The following DLC1 variants were observed in gnomAD, a reference collection of about 807,000 sequenced individuals.
The protein encoded by DLC1 is rho GTPase-activating protein 7.
In DLC1, 54 loss-of-function variants were observed where a neutral mutation model predicts 140.3. The ratio of observed to expected loss-of-function variants is 0.38; its 90% confidence interval spans 0.31 to 0.48. The LOEUF (loss-of-function observed/expected upper bound fraction) is 0.48, where lower values mean the gene tolerates loss of function less well. Ranked by LOEUF, DLC1 falls within the 20% of genes least tolerant of loss-of-function variation. The pLI, the probability that DLC1 is intolerant of heterozygous loss-of-function variation, is 0.96. For missense variants in DLC1, 2,536 were observed against 1,907.0 expected (o/e 1.33, Z -6.14); for synonymous variants, 986 against 728.1 (o/e 1.35, Z -5.70).
chr8:13,135,764 A>C (rs904234351), intron 5 of DLC1, among the ~76,000 whole-genome samples: 3 of 152,130 alleles, frequency 2.0e-5, no homozygotes, highest in African/African-American at 7.2e-5. Flanking sequence ...TCCACTTAGC[A>C]TTCATCTTTC....
chr8:13,424,884 C>T (rs1838486432), intron 2 of DLC1, among the ~76,000 whole-genome samples: 1 of 152,116 alleles, frequency 6.6e-6, no homozygotes, highest in African/African-American at 2.4e-5. Flanking sequence ...TAAAATGAAG[C>T]TACTTTGAGT....
chr8:13,574,791 T>A (rs1203538339), intron 1 of DLC1, among the ~76,000 whole-genome samples: 2 of 152,196 alleles, frequency 1.3e-5, no homozygotes, highest in East Asian at 1.9e-4. Flanking sequence ...CCTGAACATC[T>A]GAGTCATTCA....
intron 1 of DLC1, among the ~76,000 whole-genome samples, chr8:13,553,106 A>C (rs1803918784): frequency 1.3e-5 from 2 of 150,136 alleles, no homozygotes; most frequent in Admixed American, 1.3e-4. Flanking sequence ...AACACACCTA[A>C]ACCTTGACAG....
chr8:13,479,542 A>G (rs1800586799), intron 2 of DLC1, among the ~76,000 whole-genome samples: 1 of 152,194 alleles, frequency 6.6e-6, no homozygotes, highest in Non-Finnish European at 1.5e-5. Flanking sequence ...TCAGATTGAA[A>G]GATTTTAGTT....
rs201475953 is a variant in DLC1 at position 13,584,111 on chromosome 8, T to A, written c.-126+20426A>T. 4.4e-4 allele frequency: 67 copies of A among 153,290 alleles called. No individual in the cohort carries two copies. The East Asian group carries it at 0.012, about 28-fold the overall frequency. The allele number at this position is 153,290 out of a possible 1,614,324, so 9.5% of individuals were successfully genotyped here. A position where few individuals can be genotyped will look rare whatever the true frequency, so the allele number is the denominator to read the frequency against. On this transcript the variant is annotated intron_variant, in intron 1 of 1. Transcript: ENST00000631382. ...TCTTGCTTCAGCAGGTTCTTTGCTT[T>A]GTTGGTACTGTTCTATTGCATCAGC...
intron 10 of DLC1, 114 bp from the exon 11 acceptor site, chr8:13,095,359 G>T: frequency 7.6e-7 from 1 of 1,310,270 alleles, no homozygotes; most frequent in Non-Finnish European, 1.1e-6. Context: ...CTAATACGGT[G>T]GCTACTTAAA....
intron 1 of DLC1, among the ~76,000 whole-genome samples, chr8:13,576,239 G>A (rs1016521477): frequency 2.0e-5 from 3 of 152,256 alleles, no homozygotes; most frequent in Admixed American, 6.5e-5. Context: ...AATCCCAAGG[G>A]ATTCCCAGGT....
chr8:13,353,109 G>T (rs1446332489), intron 4 of DLC1, among the ~76,000 whole-genome samples: 1 of 152,062 alleles, frequency 6.6e-6, no homozygotes, highest in African/African-American at 2.4e-5. Context: ...AACCTGAAAG[G>T]TGGCTGAAAG....
chr8:13,604,085 A>G (rs1310045789), intron 1 of DLC1, among the ~76,000 whole-genome samples: 1 of 152,172 alleles, frequency 6.6e-6, no homozygotes. Flanking sequence ...GTGCAATGAT[A>G]ATGTTATGAT....
At chr8:13,504,480 C>T (rs1191522264) in intron 1 of DLC1, among the ~76,000 whole-genome samples, 5 of 152,072 alleles carry the variant, frequency 3.3e-5, no homozygotes, top group Admixed American at 2.0e-4. Flanking sequence ...AGCATGTGTT[C>T]CAGAACAAAT....
At chr8:13,590,304 GT>G (rs202054765) in intron 1 of DLC1, among the ~76,000 whole-genome samples, 19 of 150,616 alleles carry the variant, frequency 1.3e-4, no homozygotes, top group African/African-American at 3.4e-4. Flanking sequence ...CACATCCCCA[GT>G]TTTTTTTTGC....
At chr8:13,568,109 G>C (rs1585284058) in intron 1 of DLC1, 2 of 793,924 alleles carry the variant, frequency 2.5e-6, no homozygotes, top group South Asian at 2.4e-5. Context: ...GTTGTAGTTG[G>C]AATAGTTATA....
At chr8:13,167,417 T>A (rs2116907489) in intron 5 of DLC1, among the ~76,000 whole-genome samples, 1 of 152,278 alleles carries the variant, frequency 6.6e-6, no homozygotes, top group East Asian at 1.9e-4. Flanking sequence ...GGACCATGCC[T>A]CCTTTTGGAT....
chr8:13,412,854 C>T (rs1207689877), intron 2 of DLC1, among the ~76,000 whole-genome samples: 2 of 149,494 alleles, frequency 1.3e-5, no homozygotes, highest in Admixed American at 6.8e-5. Flanking sequence ...ATGGCGTGAA[C>T]CCAGGAGGCG....
At chr8:13,107,390 G>A (rs897709139) in intron 7 of DLC1, among the ~76,000 whole-genome samples, 1 of 152,164 alleles carries the variant, frequency 6.6e-6, no homozygotes, top group Non-Finnish European at 1.5e-5. Flanking sequence ...TCACTTATAA[G>A]ATCCCTGCAT....
chr8:13,601,275 C>G (rs187446608), intron 1 of DLC1, among the ~76,000 whole-genome samples: 1 of 151,752 alleles, frequency 6.6e-6, no homozygotes, highest in African/African-American at 2.4e-5. Flanking sequence ...TTCTGACTAG[C>G]TCTTGAGCTC....
intron 10 of DLC1, chr8:13,095,573 C>T (rs1009783821): frequency 5.0e-5 from 13 of 259,818 alleles, no homozygotes; most frequent in African/African-American, 2.4e-4. Flanking sequence ...CAGTTAGGAG[C>T]GTCCTTCCAC....
At chr8:13,565,294 C>T (rs1804387159) in intron 1 of DLC1, among the ~76,000 whole-genome samples, 1 of 152,062 alleles carries the variant, frequency 6.6e-6, no homozygotes, top group East Asian at 1.9e-4. Context: ...TGTTAGAAGA[C>T]ACAGATAGAT....
chr8:13,469,104 C>G (rs1034949076), intron 2 of DLC1, among the ~76,000 whole-genome samples: 3 of 152,090 alleles, frequency 2.0e-5, no homozygotes, highest in African/African-American at 7.2e-5. Context: ...CAGGCGTGAG[C>G]CACCGCGCCC....
Sources: allele counts gnomAD v4.1 joint callset (sites outside exome capture counted in the v4.1 genomes callset), GRCh38; gene constraint gnomAD v4.1.1; transcripts MANE v1.5; gene names NCBI Gene and HGNC (gene_info 2026-07-23, HGNC 2026-07-21).